The following ADGRV1 variants were observed in gnomAD, a reference collection of about 807,000 sequenced individuals.
ADGRV1 encodes adhesion G protein-coupled receptor V1.
ADGRV1 carries 359 observed loss-of-function variants against 596.2 expected under a neutral mutation model. That is an observed-to-expected ratio of 0.60 (90% CI 0.55 to 0.66). The LOEUF (loss-of-function observed/expected upper bound fraction) is 0.66, where lower values mean the gene tolerates loss of function less well. ADGRV1 is among the 30% of genes least tolerant of loss of function. The probability of loss-of-function intolerance (pLI) is 0.00; values close to 1 mark genes in which losing one functional copy is unlikely to be tolerated. For synonymous variants in ADGRV1, 2,681 were observed against 2,679.2 expected (o/e 1.00, Z -0.02); for missense variants, 7,274 against 7,575.6 (o/e 0.96, Z 1.48).
chr5:90,973,617 C>T (rs372242382), intron 84 of ADGRV1, among the ~76,000 whole-genome samples: 1 of 152,112 alleles, frequency 6.6e-6, no homozygotes, highest in African/African-American at 2.4e-5. Context: ...ATTATCTCAA[C>T]AGATGCAGAA....
At chr5:90,814,446 G>A (rs1762716217) in intron 74 of ADGRV1, among the ~76,000 whole-genome samples, 1 of 152,104 alleles carries the variant, frequency 6.6e-6, no homozygotes, top group African/African-American at 2.4e-5. Context: ...ATATGGTTTG[G>A]CTCTGTGTCC....
intron 85 of ADGRV1, among the ~76,000 whole-genome samples, chr5:91,054,094 T>TGA (rs1431954084): frequency 2.8e-4 from 36 of 128,726 alleles, no homozygotes; most frequent in African/African-American, 8.9e-4. Flanking sequence ...TGTGTGTGTG[T>TGA]GTGTGTGTGA....
intron 85 of ADGRV1, among the ~76,000 whole-genome samples, chr5:91,064,491 G>C (rs1436411122): frequency 6.6e-6 from 1 of 152,140 alleles, no homozygotes; most frequent in Non-Finnish European, 1.5e-5. Context: ...TAGTAGTAGT[G>C]GTAGTAGTAA....
chr5:90,694,736 C>G, intron 33 of ADGRV1, 35 bp downstream of exon 33: 1 of 1,493,352 alleles, frequency 6.7e-7, no homozygotes. Context: ...TCCGTTGCCC[C>G]AGTAAAGTCA....
chr5:90,958,132 A>C (rs1387798746), intron 83 of ADGRV1, among the ~76,000 whole-genome samples: 1 of 151,598 alleles, frequency 6.6e-6, no homozygotes, highest in African/African-American at 2.4e-5. Context: ...AAAAATAAAA[A>C]AATTAGACAG....
chr5:90,955,486 TA>T (rs1347294842), intron 83 of ADGRV1, among the ~76,000 whole-genome samples: 1 of 152,124 alleles, frequency 6.6e-6, no homozygotes, highest in Non-Finnish European at 1.5e-5. Flanking sequence ...GAATGTGATT[TA>T]AAATAACAGA....
intron 21 of ADGRV1, among the ~76,000 whole-genome samples, chr5:90,668,525 A>C (rs1447348619): frequency 1.3e-5 from 2 of 152,016 alleles, no homozygotes; most frequent in East Asian, 3.9e-4. Flanking sequence ...CTCCCTAGTG[A>C]GATGAACCTG....
chr5:90,927,522 A>G (rs150619396), intron 83 of ADGRV1, among the ~76,000 whole-genome samples: 4,088 of 152,162 alleles, frequency 0.027, 197 homozygotes, highest in African/African-American at 0.093. Context: ...TTGAGCCTAT[A>G]TGTGTCTCTG....
chr5:91,125,012 C>T (rs1216742324), intron 87 of ADGRV1, among the ~76,000 whole-genome samples: 1 of 152,128 alleles, frequency 6.6e-6, no homozygotes, highest in Non-Finnish European at 1.5e-5. Flanking sequence ...CCCTTGGAGA[C>T]TTGGGGTTTC....
chr5:90,937,143 T>TA (rs2150839743), intron 83 of ADGRV1, among the ~76,000 whole-genome samples: 1 of 152,184 alleles, frequency 6.6e-6, no homozygotes, highest in Non-Finnish European at 1.5e-5. Context: ...TTTAACCTTA[T>TA]ATATTTGATC....
chr5:90,943,577 T>A (rs1182889517), intron 83 of ADGRV1, among the ~76,000 whole-genome samples: 1 of 152,182 alleles, frequency 6.6e-6, no homozygotes. Context: ...TCTATCAGTT[T>A]CCTTGGGCTA....
At chr5:90,632,485 T>C (rs1416609144) in intron 9 of ADGRV1, among the ~76,000 whole-genome samples, 1 of 152,228 alleles carries the variant, frequency 6.6e-6, no homozygotes, top group Non-Finnish European at 1.5e-5. Flanking sequence ...TAAAAAAATC[T>C]GTACCAATAT....
intron 86 of ADGRV1, among the ~76,000 whole-genome samples, chr5:91,094,351 C>T (rs1026730251): frequency 6.6e-6 from 1 of 151,430 alleles, no homozygotes. Context: ...CCCAGCTACT[C>T]GGGAGACTGA....
At chr5:91,084,419 G>A (rs970153443) in intron 86 of ADGRV1, among the ~76,000 whole-genome samples, 2 of 152,082 alleles carry the variant, frequency 1.3e-5, no homozygotes, top group Non-Finnish European at 2.9e-5. Context: ...GTGGGCAAAG[G>A]ATATGAACAG....
rs761072870 is a variant in ADGRV1, at chr5:91,150,150, G to T, written c.18553G>T (p.Gly6185Trp). ...PGPSTAFFTPGSGMPPAGGEI... is the reference protein window; with the variant it reads ...PGPSTAFFTPWSGMPPAGGEI... ...ACCCAGCACAGCCTTTTTCACGCCC[G>T]GGAGTGGAATGCCTCCTGCTGGAGG... Residue 6185 changes from glycine to tryptophan, a missense_variant, in exon 88 of 90, where the codon GGG (glycine) becomes TGG (tryptophan). Physicochemically the swap from Gly to Trp is radical, Grantham distance 184 (BLOSUM62 -2). This residue lies in a region of ADGRV1 where 1,874 missense variants were observed against 1,970.2 expected (regional missense o/e 0.95). Coordinates refer to ENST00000405460, the MANE Select transcript of ADGRV1 (RefSeq NM_032119.4). The T allele has an allele frequency of 1.9e-6, 3 of 1,595,698 alleles. No homozygotes were observed. Among genetic ancestry groups the T allele is most frequent in the Non-Finnish European group, 2.6e-6 (3 of 1,172,224 alleles).
At chr5:90,853,136 G>A in intron 79 of ADGRV1, 148 bp from the exon 80 acceptor site, 2 of 680,690 alleles carry the variant, frequency 2.9e-6, no homozygotes, top group East Asian at 2.6e-5. Flanking sequence ...AGAACTGAAG[G>A]CACATTCTAT....
intron 83 of ADGRV1, among the ~76,000 whole-genome samples, chr5:90,928,983 G>A (rs1453958886): frequency 6.7e-6 from 1 of 149,138 alleles, no homozygotes; most frequent in African/African-American, 2.5e-5. Context: ...GAGGCAGTCT[G>A]CCCGTTCTCA....
chr5:91,009,362 G>C (rs1178560767), intron 85 of ADGRV1, among the ~76,000 whole-genome samples: 2 of 152,116 alleles, frequency 1.3e-5, no homozygotes, highest in African/African-American at 4.8e-5. Context: ...ACAGGTCTCA[G>C]ATTGTACTTA....
rs757696596 is a variant in ADGRV1, at chr5:90,828,977, C to T, written c.16402C>T (p.Leu5468=). 2 of 1,585,822 alleles carry T rather than the reference C, an allele frequency of 1.3e-6. No individual in the cohort carries two copies. Among genetic ancestry groups the T allele is most frequent in the Admixed American group, 1.7e-5 (1 of 59,038 alleles). Reference sequence around the variant, plus strand: ...GGTTGAAGTGTATTTTTTTGTGGAACTATATGAAGCTACTGCTGGAGCAGC... The same window carrying T: ...GGTTGAAGTGTATTTTTTTGTGGAATTATATGAAGCTACTGCTGGAGCAGC... ...PQVEVYFFVE[L]YEATAGAAIN... The change falls in exon 77 of 90, where the codon CTA becomes TTA. Residue 5468 remains leucine (L), a synonymous_variant. Transcript: ENST00000405460.
Sources: allele counts gnomAD v4.1 joint callset (sites outside exome capture counted in the v4.1 genomes callset), GRCh38; gene constraint gnomAD v4.1.1; regional missense constraint gnomAD v4.1.1; transcripts MANE v1.5; gene names NCBI Gene and HGNC (gene_info 2026-07-23, HGNC 2026-07-21).